Variants in GATC observed in about 807,000 individuals in gnomAD.
GATC encodes glutamyl-tRNA amidotransferase subunit C.
Under a neutral mutation model 14.4 loss-of-function variants are expected in GATC, and 11 were observed. The ratio of observed to expected loss-of-function variants is 0.77; its 90% CI spans 0.48 to 1.27. GATC has a LOEUF of 1.27. GATC is among the 50% of genes most tolerant of loss of function. The pLI is 0.00. For missense variants in GATC, 204 were observed against 183.0 expected, an observed-to-expected ratio of 1.11 and a Z score of -0.66; for synonymous variants, 76 against 79.3, an observed-to-expected ratio of 0.96 and a Z score of 0.22.
rs1878293161 is a variant in GATC at position 120,460,041 on chromosome 12, C to T, written c.*82C>T. On this transcript the variant is annotated 3_prime_UTR_variant, in exon 4 of 4. Transcript: ENST00000551765. Reference sequence around the variant, plus strand: ...TTTTTTTACTGTGAATACTAATGTTCCTGCTTTTTTCAGTCCCCTGAAAAA... The same window carrying T: ...TTTTTTTACTGTGAATACTAATGTTTCTGCTTTTTTCAGTCCCCTGAAAAA... The T allele has an allele frequency of 2.8e-6, 3 of 1,064,512 alleles. No individual in the cohort carries two copies. Among genetic ancestry groups the T allele is most frequent in the Admixed American group, 4.1e-5 (2 of 48,314 alleles). The allele number at this position is 1,064,512 out of a possible 1,614,324, so 65.9% of individuals were successfully genotyped here.
intron 3 of GATC, among the ~76,000 whole-genome samples, chr12:120,457,749 G>A (rs1426888932): frequency 6.6e-6 from 1 of 152,006 alleles, no homozygotes; most frequent in Non-Finnish European, 1.5e-5. Flanking sequence ...GGGATTACAG[G>A]CATGCACCAG....
In GATC at chr12:120,461,990, A is replaced by T; in HGVS notation, c.*2031A>T. On this transcript the variant is annotated 3_prime_UTR_variant, in exon 4 of 4. Transcript: ENST00000551765. ...CACAAAGCAGCTCAGTTAACCTAAA[A>T]AATAAAGAAAAAATTCCCATCACCT... The T allele has an allele frequency of 6.3e-7, 1 of 1,583,156 alleles. No individual in the cohort carries two copies.
chr12:120,456,030 C>G (rs1878176042), intron 2 of GATC, among the ~76,000 whole-genome samples: 1 of 152,188 alleles, frequency 6.6e-6, no homozygotes, highest in Non-Finnish European at 1.5e-5. Context: ...ATGTACCTGT[C>G]ACATCTTTGT....
chr12:120,447,267 C>G (rs1012308917), intron 2 of GATC, among the ~76,000 whole-genome samples: 1 of 151,886 alleles, frequency 6.6e-6, no homozygotes, highest in Non-Finnish European at 1.5e-5. Flanking sequence ...TTAGTAGAGA[C>G]GTGGTTTCAC....
In GATC at chr12:120,461,465, T is replaced by C. The variant is rs575378839; in HGVS notation, c.*1506T>C. On this transcript the variant is annotated 3_prime_UTR_variant, in exon 4 of 4. Coordinates refer to ENST00000551765, the MANE Select transcript of GATC (RefSeq NM_176818.3). ...GGCAGCCTAATTTACAAGCTTGGCC[T>C]TGAATTAAAAGAGAACCCAGAACCC... is the stretch of plus-strand genomic sequence containing the variant. 1 of 152,256 alleles carries C rather than the reference T, an allele frequency of 6.6e-6. No individual in the cohort carries two copies. Among genetic ancestry groups the C allele is most frequent in the African/African-American group, 2.4e-5 (1 of 41,556 alleles). 9.4% of individuals were successfully genotyped at this position (152,256 alleles called of 1,614,324 possible). A position where few individuals can be genotyped will look rare whatever the true frequency, so the allele number is the denominator to read the frequency against.
rs1327767504 is a variant in GATC at position 120,457,061 on chromosome 12, T to C, written c.255-15T>C. 2.5e-6 allele frequency: 4 copies of C among 1,585,410 alleles called. No homozygotes were observed. Among genetic ancestry groups the C allele is most frequent in the Non-Finnish European group, 3.5e-6 (4 of 1,154,052 alleles). ...CTTCTCTGAGAGGGTAACCTTGAGCTTCTGGGTTTTGTAGATGTCTATACC... is the reference window on the plus strand; with the variant it reads ...CTTCTCTGAGAGGGTAACCTTGAGCCTCTGGGTTTTGTAGATGTCTATACC... On this transcript the variant is annotated splice_polypyrimidine_tract_variant and intron_variant, in intron 2 of 3. Transcript: ENST00000551765.
rs901233876 is a variant in GATC, at chr12:120,461,021, A to G, written c.*1062A>G. 2 of 150,476 alleles carry G rather than the reference A, an allele frequency of 1.3e-5. No individual in the cohort carries two copies. The highest frequency in any genetic ancestry group is 4.9e-5 in the African/African-American group (2 of 40,612). The allele number at this position is 150,476 out of a possible 1,614,324, so 9.3% of individuals were successfully genotyped here. ...CTCAAAAAAAAAAAAAAAGTGATAG[A>G]ATCAGAGAGTTTTTCCTCTAACCAA... On this transcript the variant is annotated 3_prime_UTR_variant, in exon 4 of 4. Coordinates refer to ENST00000551765, the MANE Select transcript of GATC (RefSeq NM_176818.3).
rs142226454 is a variant in GATC at position 120,459,956 on chromosome 12, C to G, written c.408C>G (p.Ser136Arg). 1.9e-6 allele frequency: 3 copies of G among 1,610,830 alleles called. No homozygotes were observed. Among genetic ancestry groups the G allele is most frequent in the Non-Finnish European group, 2.5e-6 (3 of 1,177,438 alleles). Reference protein sequence around the residue: ...KLDEQEPFPHS With the variant: ...KLDEQEPFPHR ...ATGAACAAGAGCCATTCCCACACAG[C>G]TGAGTAGCTCATTCTGGAAAGGGGG... is the stretch of plus-strand genomic sequence containing the variant. The change falls in exon 4 of 4, where the codon AGC becomes AGG. Residue 136 changes from serine to arginine, a missense_variant. Coordinates refer to ENST00000551765, the MANE Select transcript of GATC (RefSeq NM_176818.3).
At chr12:120,457,983 GC>G (rs1878232426) in intron 3 of GATC, among the ~76,000 whole-genome samples, 1 of 152,040 alleles carries the variant, frequency 6.6e-6, no homozygotes, top group South Asian at 2.1e-4. Context: ...CTCAGTCTGT[GC>G]CCATTCAAAG....
At position 120,457,055 on chromosome 12, in the gene GATC, TTGAGCTTC is replaced by T. The variant is rs1335518553; in HGVS notation, c.255-18_255-11del. Reference sequence around the variant, plus strand: ...AGCCCCCTTCTCTGAGAGGGTAACCTTGAGCTTCTGGGTTTTGTAGATGTCTATACCTG... The same window carrying T: ...AGCCCCCTTCTCTGAGAGGGTAACCTTGGGTTTTGTAGATGTCTATACCTG... On this transcript the variant is annotated splice_polypyrimidine_tract_variant and intron_variant, in intron 2 of 3. Coordinates refer to ENST00000551765, the MANE Select transcript of GATC (RefSeq NM_176818.3). The T allele has an allele frequency of 1.3e-6, 2 of 1,562,738 alleles. No individual in the cohort carries two copies. Among genetic ancestry groups the T allele is most frequent in the Non-Finnish European group, 1.8e-6 (2 of 1,133,418 alleles).
chr12:120,446,758 C>A lies in GATC; in HGVS notation c.183C>A (p.Ile61=). The A allele has an allele frequency of 1.9e-6, 3 of 1,614,082 alleles. No individual in the cohort carries two copies. Among genetic ancestry groups the A allele is most frequent in the Non-Finnish European group, 2.5e-6 (3 of 1,180,042 alleles). ...REAVARLEKA[I]AFADRLRAVD... ...CAGTGGCGCGACTGGAGAAAGCTAT[C>A]GCCTTCGCCGACCGGCTACGCGCCG... Residue 61 remains isoleucine (I), a synonymous_variant, in exon 2 of 4, where the codon ATC becomes ATA. Transcript: ENST00000551765.
intron 2 of GATC, among the ~76,000 whole-genome samples, chr12:120,447,462 A>T (rs1042439714): frequency 1.4e-4 from 22 of 152,008 alleles, no homozygotes; most frequent in African/African-American, 5.3e-4. Context: ...GGCTACCTTG[A>T]CTGCTTCTCC....
At position 120,462,202 on chromosome 12, in the gene GATC, A is replaced by T; in HGVS notation, c.*2243A>T. On this transcript the variant is annotated 3_prime_UTR_variant, in exon 4 of 4. Transcript: ENST00000551765. ...AAAACAAAAAGAGTAAAGGGGAAAA[A>T]AATCAGAGCCAGAAGAATAAGCAAA... 1 of 1,571,272 alleles carries T rather than the reference A, an allele frequency of 6.4e-7. No individual in the cohort carries two copies. Among genetic ancestry groups the T allele is most frequent in the Non-Finnish European group, 8.6e-7 (1 of 1,156,552 alleles).
chr12:120,459,916 CTT>C lies in GATC; in HGVS notation c.370_371del (p.Leu124AlafsTer5), dbSNP rs1592988548. The C allele has an allele frequency of 6.2e-7, 1 of 1,612,272 alleles. No individual in the cohort carries two copies. Among genetic ancestry groups the C allele is most frequent in the Non-Finnish European group, 8.5e-7 (1 of 1,178,514 alleles). On this transcript the variant is annotated frameshift_variant, in exon 4 of 4. Coordinates refer to ENST00000551765, the MANE Select transcript of GATC (RefSeq NM_176818.3). LOFTEE classifies it high-confidence loss of function. ...TGTTATTTTCAAACAGGTAATATCT[CTT>C]TGCCAAAGCTGGATGAACAAGAGCC...
At chr12:120,458,563 T>C (rs1450715436) in intron 3 of GATC, among the ~76,000 whole-genome samples, 1 of 152,234 alleles carries the variant, frequency 6.6e-6, no homozygotes, top group East Asian at 1.9e-4. Context: ...GCTTTAAAAT[T>C]ACTCTGGGCT....
intron 2 of GATC, among the ~76,000 whole-genome samples, chr12:120,447,077 TTTTG>T (rs1205584559): frequency 8.4e-6 from 1 of 119,270 alleles, no homozygotes; most frequent in Non-Finnish European, 1.7e-5. Context: ...TGTTTGTTTG[TTTTG>T]TTTTTTTTTT....
intron 2 of GATC, among the ~76,000 whole-genome samples, chr12:120,449,379 A>G (rs1473459579): frequency 6.6e-6 from 1 of 151,630 alleles, no homozygotes; most frequent in Admixed American, 6.6e-5. Context: ...CCCACCTTCC[A>G]CAGCATGTCT....
At chr12:120,459,775 G>T in intron 3 of GATC, 132 bp from the exon 4 acceptor site, 2 of 536,686 alleles carry the variant, frequency 3.7e-6, no homozygotes, top group East Asian at 4.0e-5. Context: ...AGAATGGCGT[G>T]AACCCCAGGG....
At chr12:120,451,222 G>T (rs1273981804) in intron 2 of GATC, among the ~76,000 whole-genome samples, 1 of 150,240 alleles carries the variant, frequency 6.7e-6, no homozygotes, top group African/African-American at 2.5e-5. Flanking sequence ...TGAGGTGGGT[G>T]GATCATGGGG....
Sources: gnomAD v4.1 joint callset for allele counts (sites outside exome capture counted in the v4.1 genomes callset) on GRCh38, gnomAD v4.1.1 for gene constraint, MANE v1.5 for transcripts, NCBI Gene and HGNC (gene_info 2026-07-23, HGNC 2026-07-21) for gene names.